The following CLTC variants were observed in gnomAD, a reference collection of about 807,000 sequenced individuals.
CLTC encodes the protein clathrin heavy chain, also known as clathrin heavy chain 1.
A neutral mutation model predicts 195.8 loss-of-function variants in CLTC; 16 were observed. The observed-to-expected ratio is 0.08, with a 90% CI of 0.06 to 0.12. CLTC has a LOEUF of 0.12. Ranked by LOEUF, CLTC falls within the 10% of genes least tolerant of loss-of-function variation. The probability of loss-of-function intolerance (pLI) is 1.00; values close to 1 mark genes in which losing one functional copy is unlikely to be tolerated. For synonymous variants in CLTC, 667 were observed against 689.4 expected (o/e 0.97, Z 0.51); for missense variants, 796 against 2,027.0 (o/e 0.39, Z 11.66).
chr17:59,664,443 C>G (rs1238391264), intron 9 of CLTC, among the ~76,000 whole-genome samples: 1 of 150,992 alleles, frequency 6.6e-6, no homozygotes, highest in Non-Finnish European at 1.5e-5. Context: ...CTTAGCTACT[C>G]AGGAGGCCAA....
intron 1 of CLTC, among the ~76,000 whole-genome samples, chr17:59,627,587 G>A (rs1192848323): frequency 1.3e-5 from 2 of 152,152 alleles, no homozygotes; most frequent in African/African-American, 4.8e-5. Flanking sequence ...TAGTACTGTC[G>A]TTTGTTTATC....
Position 59,666,247 on chromosome 17 carries a change from G to A in CLTC, c.1782+7G>A. 1.2e-6 allele frequency: 2 copies of A among 1,611,600 alleles called. No individual in the cohort carries two copies. Among genetic ancestry groups the A allele is most frequent in the Non-Finnish European group, 1.7e-6 (2 of 1,178,070 alleles). ...CCTTATGCATGCGCCTCAAGTATGT[G>A]TTTTAATGCTTTTTAGGCATGTTTC... On this transcript the variant is annotated splice_region_variant and intron_variant, in intron 11 of 31. Coordinates refer to ENST00000269122, the MANE Select transcript of CLTC (RefSeq NM_004859.4). The surrounding 1 kb of genome is among the most constrained non-coding windows in gnomAD (Gnocchi z 4.9).
At chr17:59,659,619 A>T (rs1029771055) in intron 6 of CLTC, among the ~76,000 whole-genome samples, 19 of 146,150 alleles carry the variant, frequency 1.3e-4, no homozygotes, top group African/African-American at 2.3e-4. Context: ...TAATTTTTAT[A>T]TTTTTTTTTT....
In CLTC at chr17:59,620,140, G is replaced by C; in HGVS notation, c.9G>C (p.Gln3His). 6.2e-7 allele frequency: 1 copy of C among 1,614,136 alleles called. No individual in the cohort carries two copies. Among genetic ancestry groups the C allele is most frequent in the Non-Finnish European group, 8.5e-7 (1 of 1,180,006 alleles). Reference sequence around the variant, plus strand: ...TAACCCCCGACAGCGCCATGGCCCAGATTCTGCCAATTCGTTTTCAGGAGC... The same window carrying C: ...TAACCCCCGACAGCGCCATGGCCCACATTCTGCCAATTCGTTTTCAGGAGC... MA[Q>H]ILPIRFQEHL... The change falls in exon 1 of 32, where the codon CAG (glutamine) becomes CAC (histidine). Residue 3 changes from glutamine to histidine, a missense_variant. This residue lies in a region of CLTC where 24 missense variants were observed against 29.8 expected (regional missense o/e 0.81). Coordinates refer to ENST00000269122, the MANE Select transcript of CLTC (RefSeq NM_004859.4).
At position 59,695,143 on chromosome 17, in the gene CLTC, A is replaced by G. The variant is rs562302724; in HGVS notation, c.*1291A>G. On this transcript the variant is annotated 3_prime_UTR_variant, in exon 32 of 32. Transcript: ENST00000269122. Reference sequence around the variant, plus strand: ...CATGCTCTTTCTCATCATGAATTATAAAGGTGCCCAAATTATGGGTATCTT... The same window carrying G: ...CATGCTCTTTCTCATCATGAATTATGAAGGTGCCCAAATTATGGGTATCTT... 2.0e-5 allele frequency: 4 copies of G among 202,262 alleles called. No individual in the cohort carries two copies. In the South Asian group the frequency reaches 7.6e-4, roughly 38 times the overall value. The allele number at this position is 202,262 out of a possible 1,614,324, so 12.5% of individuals were successfully genotyped here. A position where few individuals can be genotyped will look rare whatever the true frequency, so the allele number is the denominator to read the frequency against.
At chr17:59,678,336 A>G (rs978882830) in intron 17 of CLTC, among the ~76,000 whole-genome samples, 1 of 152,174 alleles carries the variant, frequency 6.6e-6, no homozygotes. Flanking sequence ...AGACTATGCA[A>G]ATATCCTCTT....
Position 59,683,834 on chromosome 17 carries a change from C to T in CLTC, c.4324-41C>T. The T allele has an allele frequency of 6.2e-7, 1 of 1,609,884 alleles. No homozygotes were observed. The highest frequency in any genetic ancestry group is 2.2e-5 in the East Asian group (1 of 44,828). ...TCGATAACTTTTGTCCCTGGGACTT[C>T]AATAATGTGCTATATTTGTAACAAA... is the stretch of plus-strand genomic sequence containing the variant. On this transcript the variant is annotated intron_variant, in intron 27 of 31. Transcript: ENST00000269122. This position sits in a 1 kb window ranked among gnomAD's most constrained non-coding sequence, Gnocchi z 6.1.
At chr17:59,629,816 G>A (rs570460340) in intron 1 of CLTC, among the ~76,000 whole-genome samples, 1 of 152,122 alleles carries the variant, frequency 6.6e-6, no homozygotes, top group Admixed American at 6.5e-5. Context: ...ACCACACCCA[G>A]CCTAGAGATC....
chr17:59,671,827 C>A (rs1183846664), intron 14 of CLTC, among the ~76,000 whole-genome samples: 1 of 152,180 alleles, frequency 6.6e-6, no homozygotes, highest in Non-Finnish European at 1.5e-5. Context: ...CCTTTACCTT[C>A]TTTGGGTTTC....
chr17:59,628,597 C>T (rs2031619189), intron 1 of CLTC, among the ~76,000 whole-genome samples: 1 of 152,192 alleles, frequency 6.6e-6, no homozygotes, highest in African/African-American at 2.4e-5. Context: ...CAGTGATGCA[C>T]ACTGGGGGTC....
At chr17:59,629,476 C>T (rs1780662000) in intron 1 of CLTC, among the ~76,000 whole-genome samples, 2 of 151,582 alleles carry the variant, frequency 1.3e-5, no homozygotes, top group African/African-American at 4.8e-5. Context: ...TTTAAATATC[C>T]CGTGAAAAGC....
At chr17:59,626,181 C>G (rs929519412) in intron 1 of CLTC, among the ~76,000 whole-genome samples, 9 of 152,202 alleles carry the variant, frequency 5.9e-5, no homozygotes, top group African/African-American at 2.2e-4. Context: ...ACCTTGCATT[C>G]ATGCTTCCAT....
chr17:59,642,657 C>T (rs1173137939), intron 1 of CLTC, among the ~76,000 whole-genome samples: 3 of 152,166 alleles, frequency 2.0e-5, no homozygotes, highest in Non-Finnish European at 4.4e-5. Flanking sequence ...TAACTAAATA[C>T]ATTATAAGTT....
intron 1 of CLTC, among the ~76,000 whole-genome samples, chr17:59,625,891 GGGC>G: frequency 6.6e-6 from 1 of 152,086 alleles, no homozygotes; most frequent in Non-Finnish European, 1.5e-5. Flanking sequence ...TCTGGGAAAT[GGGC>G]ATACTTATCT....
chr17:59,643,953 T>A (rs2032115750), intron 1 of CLTC, among the ~76,000 whole-genome samples: 2 of 152,176 alleles, frequency 1.3e-5, no homozygotes, highest in Non-Finnish European at 2.9e-5. Context: ...GGTCCAATAG[T>A]TCCAAGGTCT....
intron 1 of CLTC, among the ~76,000 whole-genome samples, chr17:59,642,530 A>G (rs879895275): frequency 5.3e-5 from 8 of 152,248 alleles, no homozygotes; most frequent in Admixed American, 2.6e-4. Flanking sequence ...ATAATTATCA[A>G]TTAAACTTAA....
At position 59,630,797 on chromosome 17, in the gene CLTC, A is replaced by G. The variant is rs1473781849; in HGVS notation, c.42+10624A>G. Among the ~76,000 whole-genome samples the G allele has an allele frequency of 3.9e-5, 6 of 152,170 alleles. No homozygotes were observed. The East Asian group carries it at 9.6e-4, about 24-fold the overall frequency. On this transcript the variant is annotated intron_variant, in intron 1 of 31. Transcript: ENST00000269122. ...ATATCAGTGTTTTATTTGTCCTTTC[A>G]TCAGTTGGTGGACATTTGGGTTCTT...
At chr17:59,628,407 C>G (rs561360662) in intron 1 of CLTC, among the ~76,000 whole-genome samples, 1 of 152,244 alleles carries the variant, frequency 6.6e-6, no homozygotes, top group South Asian at 2.1e-4. Flanking sequence ...TACAGGCACT[C>G]GAATATTAGT....
In CLTC at chr17:59,647,625, G is replaced by A; in HGVS notation, c.478G>A (p.Ala160Thr). ...GCQIINYRTD[A>T]KQKWLLLTGI... is the part of the protein sequence containing the mutation. ...CCAGATTATCAATTACCGTACAGAT[G>A]CAAAACAAAAGTGGTTACTTCTGAC... The change falls in exon 3 of 32, where the codon GCA (alanine) becomes ACA (threonine). Residue 160 changes from alanine (A) to threonine (T), a missense_variant. This residue lies in a region of CLTC where 293 missense variants were observed against 795.6 expected (regional missense o/e 0.37). Coordinates refer to ENST00000269122, the MANE Select transcript of CLTC (RefSeq NM_004859.4). 1 of 1,614,066 alleles carries A rather than the reference G, an allele frequency of 6.2e-7. No homozygotes were observed. Among genetic ancestry groups the A allele is most frequent in the Non-Finnish European group, 8.5e-7 (1 of 1,179,982 alleles).
Sources: allele counts gnomAD v4.1 joint callset (sites outside exome capture counted in the v4.1 genomes callset), GRCh38; gene constraint gnomAD v4.1.1; regional missense constraint gnomAD v4.1.1; non-coding constraint Gnocchi (gnomAD v3.1); transcripts MANE v1.5; gene names NCBI Gene and HGNC (gene_info 2026-07-23, HGNC 2026-07-21).